PEMT: variants seen among roughly 807,000 people sequenced by gnomAD.
PEMT encodes phosphatidylethanolamine N-methyltransferase.
In PEMT, 23 loss-of-function variants were observed where a neutral mutation model predicts 27.4. The observed-to-expected ratio is 0.84, with a 90% CI of 0.60 to 1.19. The LOEUF (loss-of-function observed/expected upper bound fraction) is 1.19, where lower values mean the gene tolerates loss of function less well. Ranked by LOEUF, PEMT falls within the 50% of genes most tolerant of loss-of-function variation. The pLI, the probability that PEMT is intolerant of heterozygous loss-of-function variation, is 0.00. For missense variants in PEMT, 307 were observed against 310.1 expected (o/e 0.99, Z 0.07); for synonymous variants, 137 against 139.1 (o/e 0.98, Z 0.11).
At chr17:17,562,038 C>T (rs987982187) in intron 2 of PEMT, among the ~76,000 whole-genome samples, 2 of 152,230 alleles carry the variant, frequency 1.3e-5, no homozygotes, top group African/African-American at 4.8e-5. Flanking sequence ...TTCCTGCCAG[C>T]AAGGCTGGCG....
At chr17:17,588,926 C>T (rs2142768566) in intron 1 of PEMT, among the ~76,000 whole-genome samples, 1 of 152,346 alleles carries the variant, frequency 6.6e-6, no homozygotes, top group East Asian at 1.9e-4. Flanking sequence ...ACACTCCTCA[C>T]CCTAACTCCT....
At chr17:17,531,311 G>A (rs1258808177) in intron 2 of PEMT, among the ~76,000 whole-genome samples, 2 of 151,538 alleles carry the variant, frequency 1.3e-5, no homozygotes, top group Non-Finnish European at 2.9e-5. Flanking sequence ...AGGTTGCTAG[G>A]ACACTAACGC....
At chr17:17,511,453 C>T (rs945555854) in intron 4 of PEMT, among the ~76,000 whole-genome samples, 2 of 152,190 alleles carry the variant, frequency 1.3e-5, no homozygotes, top group Non-Finnish European at 2.9e-5. Flanking sequence ...GGCACAAGCT[C>T]CTTGAGAACT....
At chr17:17,514,179 T>C (rs557637200) in intron 3 of PEMT, among the ~76,000 whole-genome samples, 3 of 152,346 alleles carry the variant, frequency 2.0e-5, no homozygotes, top group South Asian at 4.1e-4. Context: ...CTCGTTCCAT[T>C]CATTGGTGAA....
At chr17:17,522,987 C>G (rs895284160) in intron 2 of PEMT, among the ~76,000 whole-genome samples, 2 of 152,202 alleles carry the variant, frequency 1.3e-5, no homozygotes, top group Non-Finnish European at 2.9e-5. Flanking sequence ...GCCTCAGAAT[C>G]CTTTTACTTT....
intron 2 of PEMT, among the ~76,000 whole-genome samples, chr17:17,567,215 T>C (rs933068023): frequency 6.6e-6 from 1 of 152,166 alleles, no homozygotes; most frequent in African/African-American, 2.4e-5. Flanking sequence ...GGGAGTGCGC[T>C]CCCTCTCCCC....
At chr17:17,586,420 T>C (rs566727307) in intron 1 of PEMT, among the ~76,000 whole-genome samples, 10 of 151,788 alleles carry the variant, frequency 6.6e-5, no homozygotes, top group Non-Finnish European at 4.4e-5. Context: ...CCAAAACAGA[T>C]CACACTTGGG....
intron 3 of PEMT, among the ~76,000 whole-genome samples, chr17:17,521,329 G>A (rs1281994277): frequency 5.3e-5 from 8 of 152,318 alleles, no homozygotes; most frequent in Admixed American, 4.6e-4. Flanking sequence ...AGGTGAGACC[G>A]GGGCCCAGAG....
intron 2 of PEMT, among the ~76,000 whole-genome samples, chr17:17,538,582 T>G (rs183242001): frequency 1.2e-4 from 18 of 151,980 alleles, no homozygotes; most frequent in African/African-American, 3.9e-4. Flanking sequence ...AATTAATAAA[T>G]ACATTAAAGG....
At chr17:17,578,633 G>C (rs1445826217) in intron 1 of PEMT, 1 of 152,094 alleles carries the variant, frequency 6.6e-6, no homozygotes, top group Non-Finnish European at 1.5e-5. Flanking sequence ...GTAAAGTTGT[G>C]CTCGCTTCAG....
intron 2 of PEMT, among the ~76,000 whole-genome samples, chr17:17,542,406 G>A (rs536844703): frequency 2.4e-4 from 36 of 152,342 alleles, no homozygotes; most frequent in Non-Finnish European, 4.6e-4. Flanking sequence ...GATAGAGGGT[G>A]CTTGCTCAGG....
chr17:17,575,025 T>C (rs1911484109), intron 2 of PEMT, among the ~76,000 whole-genome samples: 1 of 152,230 alleles, frequency 6.6e-6, no homozygotes, highest in Non-Finnish European at 1.5e-5. Flanking sequence ...CTGTGGCTGC[T>C]GTAACAAATG....
At position 17,545,105 on chromosome 17, in the gene PEMT, C is replaced by A. The variant is rs747710140; in HGVS notation, c.205-22710G>T. The stretch of plus-strand genomic sequence containing the variant: ...GCCTCACATCCCTCAGGGTCCTTGC[C>A]GGGCCACACCCTATTTAAAACCTGA... On this transcript the variant is annotated intron_variant, in intron 2 of 6. Coordinates refer to ENST00000255389, the MANE Select transcript of PEMT (RefSeq NM_148172.3). 3.9e-5 allele frequency among the ~76,000 whole-genome samples: 6 copies of A among 152,196 alleles called. No individual in the cohort carries two copies. In the East Asian group the frequency reaches 9.6e-4, roughly 24 times the overall value.
At chr17:17,548,886 C>T (rs1463874973) in intron 2 of PEMT, among the ~76,000 whole-genome samples, 4 of 152,230 alleles carry the variant, frequency 2.6e-5, no homozygotes, top group African/African-American at 9.6e-5. Context: ...CCTGTCTGGG[C>T]AGTGTGTGGA....
intron 2 of PEMT, among the ~76,000 whole-genome samples, chr17:17,556,800 T>G (rs1385410235): frequency 6.6e-6 from 1 of 152,170 alleles, no homozygotes; most frequent in Non-Finnish European, 1.5e-5. Context: ...ATGCCCTTTG[T>G]CTGCTGGAAG....
At chr17:17,569,817 C>T (rs1210167833) in intron 2 of PEMT, among the ~76,000 whole-genome samples, 1 of 152,196 alleles carries the variant, frequency 6.6e-6, no homozygotes, top group East Asian at 1.9e-4. Flanking sequence ...GCTGCTGTGC[C>T]TCCCATGCTG....
At chr17:17,538,468 T>A (rs1313707868) in intron 2 of PEMT, among the ~76,000 whole-genome samples, 3 of 152,048 alleles carry the variant, frequency 2.0e-5, no homozygotes, top group Admixed American at 2.0e-4. Context: ...GGCAGGAGGA[T>A]CACTTGAGCC....
chr17:17,590,208 G>A (rs993112568), intron 1 of PEMT, among the ~76,000 whole-genome samples: 1 of 152,214 alleles, frequency 6.6e-6, no homozygotes, highest in African/African-American at 2.4e-5. Flanking sequence ...TCATCTGACT[G>A]CATGTTGTAA....
intron 2 of PEMT, among the ~76,000 whole-genome samples, chr17:17,558,238 G>A (rs959824199): frequency 6.6e-6 from 1 of 152,136 alleles, no homozygotes; most frequent in Non-Finnish European, 1.5e-5. Context: ...TGGGCGTGGT[G>A]GCTCATGCCT....
Sources: gnomAD v4.1 joint callset for allele counts (sites outside exome capture counted in the v4.1 genomes callset) on GRCh38, gnomAD v4.1.1 for gene constraint, MANE v1.5 for transcripts, NCBI Gene and HGNC (gene_info 2026-07-23, HGNC 2026-07-21) for gene names.